Variants in TNR observed in about 807,000 individuals in gnomAD.
The protein encoded by TNR is tenascin-R.
In TNR, 45 loss-of-function variants were observed where a neutral mutation model predicts 150.4. The observed-to-expected ratio is 0.30, with a 90% CI of 0.24 to 0.38. TNR has a LOEUF of 0.38. TNR is among the 10% of genes least tolerant of loss of function. The pLI, the probability that TNR is intolerant of heterozygous loss-of-function variation, is 1.00. For missense variants in TNR, 1,544 were observed against 1,759.1 expected (o/e 0.88, Z 2.19); for synonymous variants, 687 against 678.4 (o/e 1.01, Z -0.20).
rs114052324 is a variant in TNR, at chr1:175,393,070, G to C, written c.1356+710C>G. ...ATTGAACTTTATATCCTCATGAGTG[G>C]TACAGTTAGGGAGGACATTGGTAGG... On this transcript the variant is annotated intron_variant, in intron 6 of 22. Transcript: ENST00000367674. 3.7e-3 allele frequency among the ~76,000 whole-genome samples: 568 copies of C among 152,286 alleles called. 8 individuals carry two copies. Among genetic ancestry groups the C allele is most frequent in the African/African-American group, 0.013 (540 of 41,538 alleles).
chr1:175,735,382 C>T (rs1667746083), intron 1 of TNR, among the ~76,000 whole-genome samples: 1 of 152,168 alleles, frequency 6.6e-6, no homozygotes, highest in African/African-American at 2.4e-5. Context: ...CACAGCTGAC[C>T]TTGGTATTGA....
intron 18 of TNR, among the ~76,000 whole-genome samples, chr1:175,340,288 T>A (rs1178732700): frequency 6.6e-6 from 1 of 152,194 alleles, no homozygotes; most frequent in Non-Finnish European, 1.5e-5. Flanking sequence ...TGCGCTTGCC[T>A]TCCCTTTGAC....
Position 175,537,807 on chromosome 1 carries a change from G to C in TNR, c.-164-9438C>G, listed in dbSNP as rs138519335. ...CACCTAAGTCCCTCTCCCTCGTCAG[G>C]GGCCAAGCCAGGCATCTGTGTGAGC... On this transcript the variant is annotated intron_variant, in intron 1 of 22. Coordinates refer to ENST00000367674, the MANE Select transcript of TNR (RefSeq NM_003285.3). 5.8e-3 allele frequency among the ~76,000 whole-genome samples: 883 copies of C among 152,278 alleles called. 13 individuals carry two copies. Among genetic ancestry groups the C allele is most frequent in the African/African-American group, 0.02 (835 of 41,554 alleles).
rs1194072828 is a variant in TNR, at chr1:175,365,866, C to T, written c.2317+9G>A. On this transcript the variant is annotated intron_variant, in intron 11 of 22. Transcript: ENST00000367674. ...CTGAACCTGGCTGGGATTTCTGCTG[C>T]TCTGGTACCTGTGAAAGCATCCACA... 3 of 1,612,428 alleles carry T rather than the reference C, an allele frequency of 1.9e-6. No homozygotes were observed. The highest frequency in any genetic ancestry group is 2.5e-6 in the Non-Finnish European group (3 of 1,178,922).
chr1:175,662,175 C>G (rs1395508383), intron 1 of TNR, among the ~76,000 whole-genome samples: 1 of 152,134 alleles, frequency 6.6e-6, no homozygotes. Flanking sequence ...CAGATGTGGG[C>G]AAGAATAACC....
chr1:175,342,757 G>T (rs72723414), intron 18 of TNR, among the ~76,000 whole-genome samples: 8,637 of 152,290 alleles, frequency 0.057, 360 homozygotes, highest in Non-Finnish European at 0.084. Context: ...AGGTCATCAG[G>T]CTCTGCAGAC....
intron 2 of TNR, among the ~76,000 whole-genome samples, chr1:175,407,580 A>T (rs1004371991): frequency 6.6e-6 from 1 of 152,250 alleles, no homozygotes; most frequent in Non-Finnish European, 1.5e-5. Flanking sequence ...TATGCAAAAC[A>T]GAAAAGAGAT....
At chr1:175,411,324 T>C (rs1430914327) in intron 2 of TNR, among the ~76,000 whole-genome samples, 1 of 152,094 alleles carries the variant, frequency 6.6e-6, no homozygotes, top group Non-Finnish European at 1.5e-5. Context: ...AGAACGAACA[T>C]TGAGGTCTTC....
chr1:175,594,681 C>A (rs113677155), intron 1 of TNR, among the ~76,000 whole-genome samples: 234 of 151,904 alleles, frequency 1.5e-3, no homozygotes, highest in African/African-American at 5.4e-3. Context: ...ACAGCAAATC[C>A]CCATCTCTAC....
intron 1 of TNR, among the ~76,000 whole-genome samples, chr1:175,634,653 CA>C (rs1664439318): frequency 6.6e-6 from 1 of 152,102 alleles, no homozygotes; most frequent in African/African-American, 2.4e-5. Flanking sequence ...GCCCTTAACA[CA>C]TCCCCCAATA....
At chr1:175,438,206 A>G (rs543882338) in intron 2 of TNR, among the ~76,000 whole-genome samples, 18 of 152,348 alleles carry the variant, frequency 1.2e-4, no homozygotes, top group Non-Finnish European at 2.5e-4. Context: ...CATCCCTGGG[A>G]TGCAAGGCTG....
chr1:175,488,772 A>G (rs977992467), intron 2 of TNR, among the ~76,000 whole-genome samples: 1 of 152,252 alleles, frequency 6.6e-6, no homozygotes, highest in Admixed American at 6.5e-5. Context: ...AAAAGCTCAT[A>G]TATCAAGTGA....
intron 1 of TNR, among the ~76,000 whole-genome samples, chr1:175,530,745 C>T (rs747631830): frequency 9.3e-5 from 14 of 150,796 alleles, no homozygotes; most frequent in Non-Finnish European, 1.5e-4. Flanking sequence ...CCATTGCTTG[C>T]CTCTCTCTAC....
At chr1:175,690,455 T>C (rs1484119704) in intron 1 of TNR, among the ~76,000 whole-genome samples, 1 of 152,246 alleles carries the variant, frequency 6.6e-6, no homozygotes, top group Non-Finnish European at 1.5e-5. Context: ...ACAGTCACAC[T>C]GAGTCATAAA....
chr1:175,519,130 C>T (rs1238404868), intron 2 of TNR, among the ~76,000 whole-genome samples: 3 of 152,178 alleles, frequency 2.0e-5, no homozygotes, highest in African/African-American at 7.2e-5. Context: ...CTTTCTGTAA[C>T]AGCCAGACAG....
At chr1:175,617,021 C>T (rs1663799190) in intron 1 of TNR, among the ~76,000 whole-genome samples, 1 of 152,154 alleles carries the variant, frequency 6.6e-6, no homozygotes, top group African/African-American at 2.4e-5. Context: ...CTCTTTCCAC[C>T]ACTCCCAAAA....
chr1:175,549,787 G>A (rs1363318692), intron 1 of TNR, among the ~76,000 whole-genome samples: 1 of 152,166 alleles, frequency 6.6e-6, no homozygotes, highest in Non-Finnish European at 1.5e-5. Context: ...ACAAGGAAAT[G>A]AATTCTGCCA....
At chr1:175,709,855 C>T (rs558721067) in intron 1 of TNR, among the ~76,000 whole-genome samples, 1 of 152,016 alleles carries the variant, frequency 6.6e-6, no homozygotes, top group South Asian at 2.1e-4. Flanking sequence ...GGTGTTCAGA[C>T]ATGATCTCCA....
In TNR at chr1:175,354,541, G is replaced by A; in HGVS notation, c.3250-18C>T. 3.1e-6 allele frequency: 5 copies of A among 1,613,826 alleles called. No homozygotes were observed. The Middle Eastern group carries it at 6.6e-4, about 213-fold the overall frequency. On this transcript the variant is annotated intron_variant, in intron 17 of 22. Transcript: ENST00000367674. ...ATCAGCTCCTGTATAATGAGCCAAA[G>A]GAAGGGTGGTGGAAGGGAGCAACTG...
Sources: allele counts gnomAD v4.1 joint callset (sites outside exome capture counted in the v4.1 genomes callset), GRCh38; gene constraint gnomAD v4.1.1; transcripts MANE v1.5; gene names NCBI Gene and HGNC (gene_info 2026-07-23, HGNC 2026-07-21).